PANK2: variants seen among roughly 807,000 people sequenced by gnomAD.
PANK2 encodes the protein pantothenate kinase 2.
PANK2 carries 36 observed loss-of-function variants against 43.1 expected under a neutral mutation model. The observed-to-expected ratio is 0.84, with a 90% CI of 0.64 to 1.10. The LOEUF (loss-of-function observed/expected upper bound fraction) is 1.10. Among genes scored for constraint, PANK2 ranks in the 50% least tolerant of loss-of-function variants. The pLI is 0.00. For missense variants in PANK2, 576 were observed against 593.3 expected (o/e 0.97, Z 0.30); for synonymous variants, 281 against 238.2 (o/e 1.18, Z -1.66).
chr20:3,909,593 T>TTTTTG (rs1247836430), intron 2 of PANK2, among the ~76,000 whole-genome samples: 2 of 152,042 alleles, frequency 1.3e-5, no homozygotes, highest in African/African-American at 2.4e-5. Context: ...ATCCTCTTCA[T>TTTTTG]TTTTGTTTTG....
At chr20:3,893,933 T>A (rs867339117) in intron 1 of PANK2, among the ~76,000 whole-genome samples, 2 of 22,582 alleles carry the variant, frequency 8.9e-5, no homozygotes, top group African/African-American at 2.0e-4. Flanking sequence ...TGTTTTTTGT[T>A]TTTTTTTTTT....
chr20:3,906,847 A>G (rs1029123180), intron 1 of PANK2, among the ~76,000 whole-genome samples: 3 of 151,572 alleles, frequency 2.0e-5, no homozygotes, highest in African/African-American at 4.9e-5. Context: ...TCGCCAGGCT[A>G]GAGTGCAGTG....
chr20:3,913,271 C>T (rs2090498345), intron 4 of PANK2, among the ~76,000 whole-genome samples: 1 of 152,150 alleles, frequency 6.6e-6, no homozygotes. Flanking sequence ...GTGATTACTT[C>T]TTCATATAGC....
rs533056068 is a variant in PANK2 at position 3,906,658 on chromosome 20, TAA to T, written c.299-1261_299-1260del. ...AATTTATTGAATACTGTACTAAAAA[TAA>T]AAAAAACAATAAATACTTGAAGTAG... is the stretch of plus-strand genomic sequence containing the variant. On this transcript the variant is annotated intron_variant, in intron 1 of 6. Transcript: ENST00000610179. 2.6e-5 allele frequency among the ~76,000 whole-genome samples: 4 copies of T among 151,522 alleles called. No individual in the cohort carries two copies. In the East Asian group the frequency reaches 7.7e-4, roughly 29 times the overall value.
At position 3,924,305 on chromosome 20, in the gene PANK2, GC is replaced by G. The variant is rs2090690192; in HGVS notation, c.*1014del. 2 of 152,262 alleles carry G rather than the reference GC, an allele frequency of 1.3e-5. No individual in the cohort carries two copies. Among genetic ancestry groups the G allele is most frequent in the African/African-American group, 4.8e-5 (2 of 41,450 alleles). The allele number at this position is 152,262 out of a possible 1,614,324, so 9.4% of individuals were successfully genotyped here. A position where few individuals can be genotyped will look rare whatever the true frequency, so the allele number is the denominator to read the frequency against. On this transcript the variant is annotated 3_prime_UTR_variant, in exon 7 of 7. Transcript: ENST00000610179. ...TTTTATATCTGAGGTCTTAAGTGGT[GC>G]CCATATTGCTGTTGAAGGCAAGGAT...
chr20:3,902,374 G>C (rs1212074731), intron 1 of PANK2, among the ~76,000 whole-genome samples: 10 of 151,534 alleles, frequency 6.6e-5, no homozygotes, highest in African/African-American at 2.2e-4. Flanking sequence ...TCTGTGGCCA[G>C]ACTGTAGTAC....
chr20:3,889,084 G>A (rs1380950610), upstream of PANK2: 2 of 1,524,786 alleles, frequency 1.3e-6, no homozygotes, highest in South Asian at 1.2e-5. Flanking sequence ...CAAGTGGGGG[G>A]CGGAAGGAGG....
chr20:3,914,171 T>C (rs1276308771), intron 4 of PANK2, among the ~76,000 whole-genome samples: 1 of 152,024 alleles, frequency 6.6e-6, no homozygotes, highest in Admixed American at 6.6e-5. Flanking sequence ...TTTAATCTTT[T>C]GAGGAACTGC....
chr20:3,890,858 C>G (rs1218590283), intron 1 of PANK2, among the ~76,000 whole-genome samples: 3 of 152,212 alleles, frequency 2.0e-5, no homozygotes, highest in Non-Finnish European at 4.4e-5. Flanking sequence ...ATTTGGAAAA[C>G]AGATTCTTAA....
At chr20:3,895,930 T>C (rs1297126953) in intron 1 of PANK2, among the ~76,000 whole-genome samples, 1 of 152,354 alleles carries the variant, frequency 6.6e-6, no homozygotes, top group East Asian at 1.9e-4. Context: ...CCTCTTTCAA[T>C]GTTAGGCCAA....
rs775905898 is a variant in PANK2 at position 3,912,565 on chromosome 20, A to G, written c.1013A>G (p.Lys338Arg). Residue 338 changes from lysine (K) to arginine (R), a missense_variant, in exon 4 of 7, where the codon AAA (lysine) becomes AGA (arginine). Transcript: ENST00000610179. ...CGTGGAGATAGCACCAAAGTGGATA[A>G]ACTAGTACGAGATATTTATGGAGGG... 6.2e-7 allele frequency: 1 copy of G among 1,614,144 alleles called. No homozygotes were observed. The highest frequency in any genetic ancestry group is 8.5e-7 in the Non-Finnish European group (1 of 1,180,028).
At position 3,912,490 on chromosome 20, in the gene PANK2, GTCT is replaced by G. The variant is rs1064794317; in HGVS notation, c.943_945del (p.Leu315del). On this transcript the variant is annotated inframe_deletion, in exon 4 of 7. Coordinates refer to ENST00000610179, the MANE Select transcript of PANK2 (RefSeq NM_001386393.1). ...GGAGGAACTTTTTTTGGTCTCTGCTGTCTTCTTACTGGCTGTACCACTTTTGAA... is the reference window on the plus strand; with the variant it reads ...GGAGGAACTTTTTTTGGTCTCTGCTGTCTTACTGGCTGTACCACTTTTGAA... 2.1e-5 allele frequency: 34 copies of G among 1,614,152 alleles called. No homozygotes were observed. The highest frequency in any genetic ancestry group is 2.8e-5 in the Non-Finnish European group (33 of 1,180,024).
At chr20:3,889,814 T>A in intron 1 of PANK2, 86 bp downstream of exon 1, 1 of 1,541,490 alleles carries the variant, frequency 6.5e-7, no homozygotes, top group Non-Finnish European at 8.7e-7. Flanking sequence ...CCGCCGTTTT[T>A]CCCGCGCGCG....
chr20:3,917,181 T>TA (rs2090575086), intron 5 of PANK2, 131 bp downstream of exon 5: 28 of 1,150,758 alleles, frequency 2.4e-5, no homozygotes, highest in Middle Eastern at 2.5e-4. Flanking sequence ...AGCACGAAGT[T>TA]AAAACTCTTC....
chr20:3,907,954 T>C lies in PANK2; in HGVS notation c.327T>C (p.Gly109=). The change falls in exon 2 of 7, where the codon GGT becomes GGC. Residue 109 remains glycine, a synonymous_variant. Coordinates refer to ENST00000610179, the MANE Select transcript of PANK2 (RefSeq NM_001386393.1). ...TTCCATGGTTTGGACTGGATATCGG[T>C]GGAACTCTGGTCAAGCTGGTATATT... The C allele has an allele frequency of 1.2e-6, 2 of 1,614,158 alleles. No individual in the cohort carries two copies. The highest frequency in any genetic ancestry group is 1.7e-6 in the Non-Finnish European group (2 of 1,180,014).
rs1320837748 is a variant in PANK2, at chr20:3,925,012, A to G, written c.*1718A>G. 1 of 152,478 alleles carries G rather than the reference A, an allele frequency of 6.6e-6. No homozygotes were observed. Among genetic ancestry groups the G allele is most frequent in the African/African-American group, 2.4e-5 (1 of 41,458 alleles). 9.4% of individuals were successfully genotyped at this position (152,478 alleles called of 1,614,324 possible). A position where few individuals can be genotyped will look rare whatever the true frequency, so the allele number is the denominator to read the frequency against. Reference sequence around the variant, plus strand: ...TGCTGTTCCCACAATTTAACAGAAAAGGAAACTGAACGGATGAGTAAGGCT... The same window carrying G: ...TGCTGTTCCCACAATTTAACAGAAAGGGAAACTGAACGGATGAGTAAGGCT... On this transcript the variant is annotated 3_prime_UTR_variant, in exon 7 of 7. Coordinates refer to ENST00000610179, the MANE Select transcript of PANK2 (RefSeq NM_001386393.1).
At chr20:3,914,078 T>A (rs148609020) in intron 4 of PANK2, among the ~76,000 whole-genome samples, 2 of 151,820 alleles carry the variant, frequency 1.3e-5, no homozygotes, top group East Asian at 1.9e-4. Flanking sequence ...CGTGAGCCAC[T>A]GCGCCTGGCC....
intron 3 of PANK2, 105 bp from the exon 4 acceptor site, chr20:3,912,353 G>A (rs754106039): frequency 3.0e-5 from 38 of 1,246,828 alleles, no homozygotes; most frequent in Non-Finnish European, 4.1e-5. Flanking sequence ...GCATTTGCAT[G>A]ATTGGGTTGG....
At chr20:3,905,475 T>C (rs1327919570) in intron 1 of PANK2, among the ~76,000 whole-genome samples, 4 of 151,118 alleles carry the variant, frequency 2.6e-5, no homozygotes, top group Admixed American at 6.6e-5. Context: ...GCCTGCTGAG[T>C]AGCTGGGACT....
Sources: gnomAD v4.1 joint callset for allele counts (sites outside exome capture counted in the v4.1 genomes callset) on GRCh38, gnomAD v4.1.1 for gene constraint, MANE v1.5 for transcripts, NCBI Gene and HGNC (gene_info 2026-07-23, HGNC 2026-07-21) for gene names.